The following TMEM272 variants were observed in gnomAD, a reference collection of about 807,000 sequenced individuals.
The protein encoded by TMEM272 is transmembrane protein 272.
In TMEM272, 8 loss-of-function variants were observed where a neutral mutation model predicts 3.7. The observed-to-expected ratio is 2.17, with a 90% CI of 1.27 to 3.91. The LOEUF is 3.91. Among genes scored for constraint, TMEM272 ranks in the 30% most tolerant of loss-of-function variants. TMEM272 has a pLI of 0.00. For synonymous variants in TMEM272, 63 were observed against 39.8 expected (o/e 1.58, Z -2.20); for missense variants, 166 against 91.5 (o/e 1.81, Z -3.32).
Position 51,816,905 on chromosome 13 carries a change from G to A in TMEM272, c.410C>T (p.Pro137Leu), listed in dbSNP as rs745647162. 4.3e-5 allele frequency: 30 copies of A among 702,956 alleles called. 1 individual carries two copies. The highest frequency in any genetic ancestry group is 4.0e-4 in the South Asian group (27 of 67,604). 43.5% of individuals were successfully genotyped at this position (702,956 alleles called of 1,614,324 possible). ...ACAGTAGTCCTGAGGCTGCTGGAAA[G>A]GGGGAAGAAAATCAGGCAGGTACAC... Reference protein sequence around the residue: ...FSVYLPDFLPPFQQPQDYCDK... With the variant: ...FSVYLPDFLPLFQQPQDYCDK... Residue 137 changes from proline (P) to leucine (L), a missense_variant, in exon 5 of 5, where the codon CCT becomes CTT. Coordinates refer to ENST00000629372, the MANE Select transcript of TMEM272 (RefSeq NM_001351003.2).
At chr13:51,927,555 C>T in the TMEM272 span, among the ~76,000 whole-genome samples, 3 of 152,190 alleles carry the variant, frequency 2.0e-5, no homozygotes, top group Middle Eastern at 3.2e-3. Flanking sequence ...GGCTGAATGA[C>T]ATAAGGTCCT....
chr13:51,817,072 C>T lies in TMEM272; in HGVS notation c.243G>A (p.Leu81=). 1.4e-6 allele frequency: 1 copy of T among 702,922 alleles called. No homozygotes were observed. The highest frequency in any genetic ancestry group is 1.5e-5 in the South Asian group (1 of 67,602). The allele number at this position is 702,922 out of a possible 1,614,324, so 43.5% of individuals were successfully genotyped here. ...LLYDSTRMRR[L]LSKAVVIDDD... ...CATCAATCACCACGGCCTTGGACAG[C>T]AGCCGCCTCATCCTGGTGGAGTCGT... The change falls in exon 5 of 5, where the codon CTG becomes CTA. Residue 81 remains leucine (L), a synonymous_variant. Transcript: ENST00000629372.
chr13:51,889,306 T>C, the TMEM272 span, among the ~76,000 whole-genome samples: 1 of 152,186 alleles, frequency 6.6e-6, no homozygotes, highest in African/African-American at 2.4e-5. Context: ...AATTCATATG[T>C]TGAAGCCCTA....
chr13:51,913,225 G>A, the TMEM272 span, among the ~76,000 whole-genome samples: 14 of 152,176 alleles, frequency 9.2e-5, no homozygotes, highest in African/African-American at 3.4e-4. Flanking sequence ...GGCAGGGTCA[G>A]GAGCTTCAAT....
chr13:51,931,228 T>C, the TMEM272 span, among the ~76,000 whole-genome samples: 17 of 147,584 alleles, frequency 1.2e-4, no homozygotes, highest in African/African-American at 3.0e-4. Context: ...CCATCAATGA[T>C]AGACTGAAGA....
intron 2 of TMEM272, among the ~76,000 whole-genome samples, chr13:51,837,872 T>C (rs1956229135): frequency 6.6e-6 from 1 of 152,230 alleles, no homozygotes; most frequent in Admixed American, 6.5e-5. Context: ...ATGAGTTGCT[T>C]AAGGCTTCCC....
chr13:51,817,685 C>T (rs908225925), intron 4 of TMEM272, among the ~76,000 whole-genome samples: 1 of 152,150 alleles, frequency 6.6e-6, no homozygotes, highest in African/African-American at 2.4e-5. Flanking sequence ...GTACCACTGC[C>T]CATCTCAGGC....
chr13:51,911,657 G>A, the TMEM272 span, among the ~76,000 whole-genome samples: 9 of 152,218 alleles, frequency 5.9e-5, no homozygotes, highest in African/African-American at 2.2e-4. Context: ...TGGAGACTCT[G>A]GGTTTTTTGC....
Position 51,815,347 on chromosome 13 carries a change from C to CG in TMEM272, c.*1403dup, listed in dbSNP as rs1956010031. ...TCACCTGGGAGGAAAGGGGGACTAA[C>CG]GGTGACTGCCCGGGGAGTGCTTCTA... On this transcript the variant is annotated 3_prime_UTR_variant, in exon 5 of 5. Coordinates refer to ENST00000629372, the MANE Select transcript of TMEM272 (RefSeq NM_001351003.2). 6.6e-6 allele frequency: 1 copy of CG among 152,658 alleles called. No individual in the cohort carries two copies. Among genetic ancestry groups the CG allele is most frequent in the Non-Finnish European group, 1.5e-5 (1 of 68,078 alleles). The allele number at this position is 152,658 out of a possible 1,614,324, so 9.5% of individuals were successfully genotyped here. A position where few individuals can be genotyped will look rare whatever the true frequency, so the allele number is the denominator to read the frequency against.
At chr13:51,926,139 G>A in the TMEM272 span, among the ~76,000 whole-genome samples, 58,445 of 151,624 alleles carry the variant, frequency 0.39, 11,405 homozygotes, top group East Asian at 0.61. Flanking sequence ...CTATGTGTGC[G>A]TGGTATGTGG....
chr13:51,897,362 ATTTTTTTTTTTTTT>A, the TMEM272 span, among the ~76,000 whole-genome samples: 36 of 82,442 alleles, frequency 4.4e-4, no homozygotes, highest in African/African-American at 9.0e-4. Context: ...TGTCTGGCTA[ATTTTTTTTTTTTTT>A]TTTTTTTTTT....
the TMEM272 span, chr13:51,865,648 G>A: frequency 6.2e-7 from 1 of 1,614,160 alleles, no homozygotes; most frequent in Non-Finnish European, 8.5e-7. Flanking sequence ...GGGAAGAGGA[G>A]AGACCTTTCT....
Position 51,826,552 on chromosome 13 carries a change from G to A in TMEM272, c.118+14C>T, listed in dbSNP as rs1405433759. 16 of 702,442 alleles carry A rather than the reference G, an allele frequency of 2.3e-5. No individual in the cohort carries two copies. The highest frequency in any genetic ancestry group is 6.0e-5 in the Admixed American group (3 of 49,996). 43.5% of individuals were successfully genotyped at this position (702,442 alleles called of 1,614,324 possible). Reference sequence around the variant, plus strand: ...GCTGACCTGTGGCGTCCAGCAGCTCGGAAGGCAGCTTACCTATGAAGGTCA... The same window carrying A: ...GCTGACCTGTGGCGTCCAGCAGCTCAGAAGGCAGCTTACCTATGAAGGTCA... On this transcript the variant is annotated intron_variant, in intron 3 of 4. Coordinates refer to ENST00000629372, the MANE Select transcript of TMEM272 (RefSeq NM_001351003.2).
chr13:51,837,121 G>A (rs1439287063), intron 2 of TMEM272, among the ~76,000 whole-genome samples: 1 of 152,154 alleles, frequency 6.6e-6, no homozygotes, highest in Non-Finnish European at 1.5e-5. Flanking sequence ...CAACAATCAA[G>A]GAGGCCATCA....
intron 2 of TMEM272, among the ~76,000 whole-genome samples, chr13:51,831,799 G>A (rs1956175765): frequency 6.6e-6 from 1 of 152,242 alleles, no homozygotes; most frequent in African/African-American, 2.4e-5. Flanking sequence ...ACCACCACTA[G>A]TTAATACTGT....
At chr13:51,916,938 C>T in the TMEM272 span, among the ~76,000 whole-genome samples, 3 of 152,330 alleles carry the variant, frequency 2.0e-5, 1 homozygote, top group Admixed American at 2.0e-4. Flanking sequence ...GCTGCGTGAT[C>T]ACCTGAGGTG....
chr13:51,889,634 G>C, the TMEM272 span, among the ~76,000 whole-genome samples: 4 of 147,624 alleles, frequency 2.7e-5, no homozygotes, highest in East Asian at 2.0e-4. Flanking sequence ...TTGTGTGTGT[G>C]TGGGGGGGTT....
At chr13:51,850,963 G>A in the TMEM272 span, among the ~76,000 whole-genome samples, 20 of 152,332 alleles carry the variant, frequency 1.3e-4, no homozygotes, top group East Asian at 3.7e-3. Context: ...AGTCAAAGAA[G>A]TGTGCCCTAG....
the TMEM272 span, among the ~76,000 whole-genome samples, chr13:51,915,180 T>A: frequency 6.6e-6 from 1 of 152,230 alleles, no homozygotes; most frequent in Non-Finnish European, 1.5e-5. Context: ...GGGCTCTGAT[T>A]GACTTTTCAT....
Sources: gnomAD v4.1 joint callset for allele counts (sites outside exome capture counted in the v4.1 genomes callset) on GRCh38, gnomAD v4.1.1 for gene constraint, MANE v1.5 for transcripts, NCBI Gene and HGNC (gene_info 2026-07-23, HGNC 2026-07-21) for gene names.